Variants in CDH12 observed in about 807,000 individuals in gnomAD.
The protein encoded by CDH12 is cadherin-12.
CDH12 carries 41 observed loss-of-function variants against 74.1 expected under a neutral mutation model. The ratio of observed to expected loss-of-function variants is 0.55; its 90% confidence interval spans 0.43 to 0.72. The LOEUF (loss-of-function observed/expected upper bound fraction) is 0.72, where lower values mean the gene tolerates loss of function less well. Ranked by LOEUF, CDH12 falls within the 30% of genes least tolerant of loss-of-function variation. CDH12 has a pLI of 0.00. For missense variants in CDH12, 945 were observed against 977.2 expected (o/e 0.97, Z 0.44); for synonymous variants, 399 against 355.0 (o/e 1.12, Z -1.39).
At chr5:21,915,474 G>A (rs1754044570) in intron 6 of CDH12, among the ~76,000 whole-genome samples, 1 of 152,166 alleles carries the variant, frequency 6.6e-6, no homozygotes, top group Non-Finnish European at 1.5e-5. Context: ...AGGAATAAGT[G>A]TAAGGCACTT....
intron 4 of CDH12, among the ~76,000 whole-genome samples, chr5:22,131,246 A>G (rs1746162225): frequency 6.6e-6 from 1 of 152,062 alleles, no homozygotes; most frequent in Non-Finnish European, 1.5e-5. Flanking sequence ...GAAATCAAAC[A>G]TCTGGAATTC....
intron 3 of CDH12, among the ~76,000 whole-genome samples, chr5:22,318,446 C>T (rs1738721945): frequency 6.6e-6 from 1 of 152,142 alleles, no homozygotes; most frequent in Admixed American, 6.5e-5. Flanking sequence ...GTTCATTTCC[C>T]TCATGTGAAA....
At chr5:22,303,160 T>C (rs1005969737) in intron 3 of CDH12, among the ~76,000 whole-genome samples, 3 of 152,060 alleles carry the variant, frequency 2.0e-5, no homozygotes, top group African/African-American at 7.2e-5. Context: ...AGACATCTCA[T>C]TGAGAAAGGA....
At chr5:22,225,898 C>T (rs1752177165) in intron 3 of CDH12, among the ~76,000 whole-genome samples, 1 of 136,606 alleles carries the variant, frequency 7.3e-6, no homozygotes, top group African/African-American at 2.8e-5. Context: ...CAGTGGTTGG[C>T]CTCTAACAAT....
intron 5 of CDH12, among the ~76,000 whole-genome samples, chr5:21,988,491 C>CA (rs1157872208): frequency 0.11 from 3,203 of 29,446 alleles, 889 homozygotes; most frequent in Middle Eastern, 0.29. Flanking sequence ...GACTCCGTCT[C>CA]AAAAAAAAAA....
chr5:22,325,700 C>T (rs965447673), intron 3 of CDH12, among the ~76,000 whole-genome samples: 14 of 152,044 alleles, frequency 9.2e-5, no homozygotes, highest in Non-Finnish European at 1.6e-4. Flanking sequence ...TCCTGGCTAA[C>T]GCGGTGAAAC....
intron 4 of CDH12, among the ~76,000 whole-genome samples, chr5:22,195,792 C>G (rs948637975): frequency 6.6e-6 from 1 of 152,140 alleles, no homozygotes; most frequent in Non-Finnish European, 1.5e-5. Flanking sequence ...GCCATTTTCT[C>G]TCCTTTATTT....
intron 1 of CDH12, among the ~76,000 whole-genome samples, chr5:22,713,132 CTTTTTTTTTTTTTTTTT>C (rs70959753): frequency 1.6e-5 from 1 of 61,162 alleles, no homozygotes. Context: ...TATGCTAATT[CTTTTTTTTTTTTTTTTT>C]TTTTTTTTTT....
intron 5 of CDH12, among the ~76,000 whole-genome samples, chr5:21,987,778 C>G (rs1270947484): frequency 6.6e-6 from 1 of 152,160 alleles, no homozygotes; most frequent in East Asian, 1.9e-4. Context: ...CAAATGTTTA[C>G]ACATACTAGG....
chr5:22,659,670 T>G (rs531158557), intron 1 of CDH12, among the ~76,000 whole-genome samples: 6 of 152,052 alleles, frequency 3.9e-5, no homozygotes, highest in Non-Finnish European at 5.9e-5. Context: ...TTATCATAGT[T>G]TTTTTCTCTC....
chr5:22,193,613 TG>T lies in CDH12; in HGVS notation c.-187+18884del, dbSNP rs1282209364. On this transcript the variant is annotated intron_variant, in intron 4 of 14. Coordinates refer to ENST00000382254, the MANE Select transcript of CDH12 (RefSeq NM_004061.5). ...AGAAATTATAGTTCATTTTTTATTCTGGCTGTTGTCTTCTTTGAAACTTTTT... is the reference window on the plus strand; with the variant it reads ...AGAAATTATAGTTCATTTTTTATTCTGCTGTTGTCTTCTTTGAAACTTTTT... Among the ~76,000 whole-genome samples the T allele has an allele frequency of 3.9e-5, 6 of 152,274 alleles. No individual in the cohort carries two copies. The East Asian group carries it at 1.2e-3, about 29-fold the overall frequency.
At chr5:22,301,271 A>T (rs974258779) in intron 3 of CDH12, among the ~76,000 whole-genome samples, 1 of 152,176 alleles carries the variant, frequency 6.6e-6, no homozygotes, top group South Asian at 2.1e-4. Flanking sequence ...ACCAAAAAAA[A>T]TATTTTATTC....
At chr5:22,246,112 A>C (rs760266854) in intron 3 of CDH12, among the ~76,000 whole-genome samples, 2 of 152,090 alleles carry the variant, frequency 1.3e-5, no homozygotes, top group African/African-American at 2.4e-5. Context: ...CTTACAACAA[A>C]ATTATACAGT....
chr5:22,410,191 A>G (rs1483037867), intron 2 of CDH12, among the ~76,000 whole-genome samples: 1 of 151,930 alleles, frequency 6.6e-6, no homozygotes, highest in Non-Finnish European at 1.5e-5. Flanking sequence ...TCTCAGTTCC[A>G]TTCTCCCCCA....
chr5:21,978,901 T>C (rs1301135963), intron 5 of CDH12, among the ~76,000 whole-genome samples: 1 of 152,190 alleles, frequency 6.6e-6, no homozygotes, highest in Admixed American at 6.5e-5. Flanking sequence ...TCTCTATCGA[T>C]GAAACTGCTT....
At chr5:21,895,800 G>C (rs1184654198) in intron 6 of CDH12, among the ~76,000 whole-genome samples, 1 of 152,136 alleles carries the variant, frequency 6.6e-6, no homozygotes, top group African/African-American at 2.4e-5. Flanking sequence ...CAGGAAACTG[G>C]CTTCCTTCAA....
chr5:22,022,264 C>T (rs932975965), intron 5 of CDH12, among the ~76,000 whole-genome samples: 1 of 152,112 alleles, frequency 6.6e-6, no homozygotes, highest in Non-Finnish European at 1.5e-5. Flanking sequence ...GTGATTTGAT[C>T]ATGGGGGTGG....
At chr5:21,868,083 G>A (rs375359757) in intron 6 of CDH12, among the ~76,000 whole-genome samples, 5 of 149,254 alleles carry the variant, frequency 3.3e-5, no homozygotes, top group Admixed American at 1.3e-4. Context: ...GCTGCCATGG[G>A]AGACATGCCT....
At chr5:22,360,046 C>T (rs1740732508) in intron 3 of CDH12, among the ~76,000 whole-genome samples, 1 of 152,060 alleles carries the variant, frequency 6.6e-6, no homozygotes, top group East Asian at 1.9e-4. Flanking sequence ...CAAACACATT[C>T]AAAAGCTAGC....
Sources: gnomAD v4.1 joint callset for allele counts (sites outside exome capture counted in the v4.1 genomes callset) on GRCh38, gnomAD v4.1.1 for gene constraint, MANE v1.5 for transcripts, NCBI Gene and HGNC (gene_info 2026-07-23, HGNC 2026-07-21) for gene names.